The following TMEM204 variants were observed in gnomAD, a reference collection of about 807,000 sequenced individuals.
TMEM204 encodes transmembrane protein 204, also known as claudin-like protein 24.
A neutral mutation model predicts 19.4 loss-of-function variants in TMEM204; 15 were observed. The observed-to-expected ratio is 0.77, with a 90% CI of 0.52 to 1.19. The LOEUF is 1.19. Ranked by LOEUF, TMEM204 falls within the 50% of genes most tolerant of loss-of-function variation. TMEM204 has a pLI of 0.00. For missense variants in TMEM204, 287 were observed against 321.2 expected, an observed-to-expected ratio of 0.89 and a Z score of 0.81; for synonymous variants, 161 against 146.0, an observed-to-expected ratio of 1.10 and a Z score of -0.74.
chr16:1,545,776 T>G (rs1454700303), intron 2 of TMEM204, among the ~76,000 whole-genome samples: 3 of 152,162 alleles, frequency 2.0e-5, no homozygotes, highest in Non-Finnish European at 1.5e-5. Flanking sequence ...CCTTGTCAGC[T>G]CCAAAGAGAG....
intron 1 of TMEM204, chr16:1,540,894 C>G: frequency 1.0e-6 from 1 of 985,430 alleles, no homozygotes; most frequent in South Asian, 4.7e-5. Flanking sequence ...CATGCAGTCC[C>G]TGACTCCAGG....
In TMEM204 at chr16:1,553,219, T is replaced by G; in HGVS notation, c.437-1563T>G. The G allele has an allele frequency of 1.0e-6, 1 of 979,538 alleles. No individual in the cohort carries two copies. The allele number at this position is 979,538 out of a possible 1,614,324, so 60.7% of individuals were successfully genotyped here. ...CTGTGTCTCTGTCTCTGTCTCTCTC[T>G]GTCTCCATCTGTCTCTGTGTCTGTC... On this transcript the variant is annotated intron_variant, in intron 2 of 2. Transcript: ENST00000566264. The surrounding 1 kb of genome is among the most constrained non-coding windows in gnomAD (Gnocchi z 4.4).
At chr16:1,554,023 C>T (rs1159482210) in intron 2 of TMEM204, 1 of 1,287,116 alleles carries the variant, frequency 7.8e-7, no homozygotes, top group East Asian at 5.5e-5. Flanking sequence ...CCCACCTCTC[C>T]TTCTCTGGTT....
At chr16:1,543,151 C>A (rs113697158) in intron 2 of TMEM204, among the ~76,000 whole-genome samples, 1 of 152,234 alleles carries the variant, frequency 6.6e-6, no homozygotes, top group Non-Finnish European at 1.5e-5. Context: ...GCGAGCATGT[C>A]GGCCCATGGC....
In TMEM204 at chr16:1,553,752, G is replaced by A. The variant is rs2032868478; in HGVS notation, c.437-1030G>A. The A allele has an allele frequency of 8.6e-7, 1 of 1,157,600 alleles. No individual in the cohort carries two copies. The highest frequency in any genetic ancestry group is 1.1e-6 in the Non-Finnish European group (1 of 924,594). 71.7% of individuals were successfully genotyped at this position (1,157,600 alleles called of 1,614,324 possible). ...ACATCCCCATGGCTGTAGGGGATGAGGAGGGGCAGGGCCATGTGGACAGCC... is the reference window on the plus strand; with the variant it reads ...ACATCCCCATGGCTGTAGGGGATGAAGAGGGGCAGGGCCATGTGGACAGCC... On this transcript the variant is annotated intron_variant, in intron 2 of 2. Coordinates refer to ENST00000566264, the MANE Select transcript of TMEM204 (RefSeq NM_024600.6). The surrounding 1 kb of genome is among the most constrained non-coding windows in gnomAD (Gnocchi z 4.4).
At chr16:1,543,279 T>C (rs1022154026) in intron 2 of TMEM204, among the ~76,000 whole-genome samples, 5 of 152,350 alleles carry the variant, frequency 3.3e-5, no homozygotes, top group African/African-American at 1.2e-4. Flanking sequence ...CCAGAGTGAA[T>C]CATTCTAGGA....
intron 1 of TMEM204, chr16:1,541,035 G>C: frequency 1.0e-6 from 1 of 985,404 alleles, no homozygotes. Context: ...CTCTGCTACA[G>C]AAACGTGACG....
In TMEM204 at chr16:1,553,300, CTG is replaced by C. The variant is rs923756316; in HGVS notation, c.437-1478_437-1477del. The stretch of plus-strand genomic sequence containing the variant: ...TCTCTCTGTGTCTCTGCCTGTCTCT[CTG>C]TGTCTCTGTCTCTGTGTCTCTGTCC... On this transcript the variant is annotated intron_variant, in intron 2 of 2. Transcript: ENST00000566264. The surrounding 1 kb of genome is among the most constrained non-coding windows in gnomAD (Gnocchi z 4.4). The C allele has an allele frequency of 5.1e-6, 5 of 984,102 alleles. No individual in the cohort carries two copies. The African/African-American group carries it at 8.7e-5, about 17-fold the overall frequency. The allele number at this position is 984,102 out of a possible 1,614,324, so 61.0% of individuals were successfully genotyped here. A position where few individuals can be genotyped will look rare whatever the true frequency, so the allele number is the denominator to read the frequency against.
At chr16:1,544,421 G>T (rs1170466278) in intron 2 of TMEM204, among the ~76,000 whole-genome samples, 1 of 151,696 alleles carries the variant, frequency 6.6e-6, no homozygotes, top group Admixed American at 6.6e-5. Flanking sequence ...TCCTGACCTC[G>T]TGATCCGCCC....
At chr16:1,545,178 G>A (rs1039030684) in intron 2 of TMEM204, among the ~76,000 whole-genome samples, 1 of 152,198 alleles carries the variant, frequency 6.6e-6, no homozygotes, top group African/African-American at 2.4e-5. Flanking sequence ...GGAGGCCTTC[G>A]GAGGCCTGTC....
Position 1,553,290 on chromosome 16 carries a change from G to C in TMEM204, c.437-1492G>C, listed in dbSNP as rs907303983. 5 of 980,932 alleles carry C rather than the reference G, an allele frequency of 5.1e-6. No homozygotes were observed. In the African/African-American group the frequency reaches 7.0e-5, roughly 14 times the overall value. 60.8% of individuals were successfully genotyped at this position (980,932 alleles called of 1,614,324 possible). A position where few individuals can be genotyped will look rare whatever the true frequency, so the allele number is the denominator to read the frequency against. ...TTGGTCTCTGTCTCTCTGTGTCTCT[G>C]CCTGTCTCTCTGTGTCTCTGTCTCT... is the stretch of plus-strand genomic sequence containing the variant. On this transcript the variant is annotated intron_variant, in intron 2 of 2. Transcript: ENST00000566264. This position sits in a 1 kb window ranked among gnomAD's most constrained non-coding sequence, Gnocchi z 4.4.
Position 1,553,331 on chromosome 16 carries a change from T to G in TMEM204, c.437-1451T>G, listed in dbSNP as rs1055811861. On this transcript the variant is annotated intron_variant, in intron 2 of 2. Transcript: ENST00000566264. This position sits in a 1 kb window ranked among gnomAD's most constrained non-coding sequence, Gnocchi z 4.4. ...CTCTGTCTCTGTGTCTCTGTCCCTG[T>G]GTCTCTTTTTCTCCCATCCTCTCTC... 3 of 985,380 alleles carry G rather than the reference T, an allele frequency of 3.0e-6. No individual in the cohort carries two copies. The highest frequency in any genetic ancestry group is 5.2e-4 in the Middle Eastern group (1 of 1,914). 61.0% of individuals were successfully genotyped at this position (985,380 alleles called of 1,614,324 possible).
rs889772729 is a variant in TMEM204, at chr16:1,551,317, C to G, written c.437-3465C>G. On this transcript the variant is annotated intron_variant, in intron 2 of 2. Coordinates refer to ENST00000566264, the MANE Select transcript of TMEM204 (RefSeq NM_024600.6). This position sits in a 1 kb window ranked among gnomAD's most constrained non-coding sequence, Gnocchi z 4.0. ...GGGCAGGTGCAACTCTAAGCCGAGG[C>G]CCGAAGGATCAGCAGCAGGAGGGGC... Among the ~76,000 whole-genome samples, 3 of 152,036 alleles carry G rather than the reference C, an allele frequency of 2.0e-5. No individual in the cohort carries two copies. Among genetic ancestry groups the G allele is most frequent in the Non-Finnish European group, 4.4e-5 (3 of 68,010 alleles).
intron 2 of TMEM204, among the ~76,000 whole-genome samples, chr16:1,547,729 T>A (rs546490043): frequency 4.9e-4 from 75 of 152,190 alleles, no homozygotes; most frequent in Middle Eastern, 6.8e-3. Context: ...AGAGATGGGG[T>A]TTCACCATGT....
rs1411227696 is a variant in TMEM204, at chr16:1,555,271, G to C, written c.*245G>C. 1.9e-6 allele frequency: 1 copy of C among 513,626 alleles called. No homozygotes were observed. Among genetic ancestry groups the C allele is most frequent in the East Asian group, 3.5e-5 (1 of 28,704 alleles). The allele number at this position is 513,626 out of a possible 1,614,324, so 31.8% of individuals were successfully genotyped here. ...CCTGGTTAGCGCAACGCGGCTCCACGACCACACGCACTTCAGGGTGGAAGC... is the reference window on the plus strand; with the variant it reads ...CCTGGTTAGCGCAACGCGGCTCCACCACCACACGCACTTCAGGGTGGAAGC... On this transcript the variant is annotated 3_prime_UTR_variant, in exon 3 of 3. Transcript: ENST00000566264.
chr16:1,533,045 C>T (rs903263012), upstream of TMEM204: 12 of 152,472 alleles, frequency 7.9e-5, no homozygotes, highest in Non-Finnish European at 1.6e-4. The surrounding 1 kb of genome is among the most constrained non-coding windows in gnomAD (Gnocchi z 4.7). Flanking sequence ...GACCTGGCCT[C>T]GAGGTCCTCC....
In TMEM204 at chr16:1,544,983, C is replaced by T. The variant is rs187777633; in HGVS notation, c.436+2907C>T. Among the ~76,000 whole-genome samples the T allele has an allele frequency of 9.6e-4, 147 of 152,338 alleles. 1 individual carries two copies. The highest frequency in any genetic ancestry group is 4.6e-4 in the Admixed American group (7 of 15,304). ...CATTTCTTAATAAATCTCCTTGAAA[C>T]TCTTGTTTAGAATTATTAGGACTAC... is the stretch of plus-strand genomic sequence containing the variant. On this transcript the variant is annotated intron_variant, in intron 2 of 2. Transcript: ENST00000566264.
chr16:1,538,599 C>A (rs1174132942), intron 1 of TMEM204, among the ~76,000 whole-genome samples: 2 of 152,198 alleles, frequency 1.3e-5, no homozygotes, highest in Non-Finnish European at 2.9e-5. Context: ...CGAACATGAC[C>A]TTCTGCGTGA....
At chr16:1,540,546 A>G (rs1373678381) in intron 1 of TMEM204, among the ~76,000 whole-genome samples, 1 of 152,184 alleles carries the variant, frequency 6.6e-6, no homozygotes, top group Non-Finnish European at 1.5e-5. Flanking sequence ...CAGTCACCCT[A>G]GAGGCCAGCA....
Sources: allele counts gnomAD v4.1 joint callset (sites outside exome capture counted in the v4.1 genomes callset), GRCh38; gene constraint gnomAD v4.1.1; non-coding constraint Gnocchi (gnomAD v3.1); transcripts MANE v1.5; gene names NCBI Gene and HGNC (gene_info 2026-07-23, HGNC 2026-07-21).